The following DIP2B variants were observed in gnomAD, a reference collection of about 807,000 sequenced individuals.
The protein encoded by DIP2B is DIP2 acetate--CoA ligase B (putative), also known as disco-interacting protein 2 homolog B.
A neutral mutation model predicts 198.0 loss-of-function variants in DIP2B; 76 were observed. The observed-to-expected ratio is 0.38, with a 90% CI of 0.32 to 0.46. The LOEUF (loss-of-function observed/expected upper bound fraction) is 0.46, where lower values mean the gene tolerates loss of function less well. DIP2B is among the 20% of genes least tolerant of loss of function. The pLI, the probability that DIP2B is intolerant of heterozygous loss-of-function variation, is 0.99. For missense variants in DIP2B, 1,559 were observed against 1,978.4 expected (o/e 0.79, Z 4.02); for synonymous variants, 701 against 739.1 (o/e 0.95, Z 0.84).
chr12:50,652,515 G>A (rs1320718743), intron 3 of DIP2B, among the ~76,000 whole-genome samples: 3 of 151,802 alleles, frequency 2.0e-5, no homozygotes, highest in South Asian at 2.1e-4. Context: ...TAGCCTGGGC[G>A]ACAGACTGAG....
At position 50,686,589 on chromosome 12, in the gene DIP2B, A is replaced by T. The variant is rs759663284; in HGVS notation, c.1458A>T (p.Lys486Asn). ...TTGATTTAGGTTGGCCCCGGCTCAA[A>T]TGGGTTGTAACAGATTCCAAGTACC... ...IVQFKGWPRL[K>N]WVVTDSKYLS... is the part of the protein sequence containing the mutation. Residue 486 changes from lysine (K) to asparagine (N), a missense_variant, in exon 12 of 38, where the codon AAA (lysine) becomes AAT (asparagine). Coordinates refer to ENST00000301180, the MANE Select transcript of DIP2B (RefSeq NM_173602.3). 6.2e-7 allele frequency: 1 copy of T among 1,614,052 alleles called. No individual in the cohort carries two copies. The highest frequency in any genetic ancestry group is 8.5e-7 in the Non-Finnish European group (1 of 1,179,988).
chr12:50,563,487 T>A (rs1165573523), intron 1 of DIP2B, among the ~76,000 whole-genome samples: 1 of 53,708 alleles, frequency 1.9e-5, no homozygotes, highest in African/African-American at 7.8e-5. Context: ...GCACCTGGCC[T>A]TTTTTTTTTT....
chr12:50,623,657 G>T (rs1017150990), intron 1 of DIP2B, among the ~76,000 whole-genome samples: 1 of 151,774 alleles, frequency 6.6e-6, no homozygotes, highest in East Asian at 1.9e-4. Context: ...AATTTTTTAC[G>T]GAATCAGATG....
chr12:50,574,711 TC>T (rs1958643142), intron 1 of DIP2B, among the ~76,000 whole-genome samples: 2 of 152,344 alleles, frequency 1.3e-5, no homozygotes, highest in South Asian at 4.1e-4. Context: ...GAATGAATGT[TC>T]CCATCTGGTA....
At position 50,716,958 on chromosome 12, in the gene DIP2B, C is replaced by CTTTTTTTTT. The variant is rs4026694; in HGVS notation, c.2852-1736_2852-1728dup. On this transcript the variant is annotated intron_variant, in intron 23 of 37. Coordinates refer to ENST00000301180, the MANE Select transcript of DIP2B (RefSeq NM_173602.3). ...CCTATCCTAGATTTACGAATTGTTG[C>CTTTTTTTTT]TTTTTTTTTTTTTTTTTTTTTTTGA... Among the ~76,000 whole-genome samples, 326 of 58,912 alleles carry CTTTTTTTTT rather than the reference C, an allele frequency of 5.5e-3. 79 individuals are homozygous for CTTTTTTTTT. Among genetic ancestry groups the CTTTTTTTTT allele is most frequent in the African/African-American group, 0.015 (238 of 16,218 alleles). The allele number at this position is 58,912 out of a possible 152,430, so 38.6% of individuals were successfully genotyped here.
chr12:50,508,406 T>A (rs1957986264), intron 1 of DIP2B, among the ~76,000 whole-genome samples: 1 of 152,212 alleles, frequency 6.6e-6, no homozygotes, highest in African/African-American at 2.4e-5. Context: ...ATGGGGAGAA[T>A]TAATTTGCTT....
chr12:50,667,873 C>G (rs1938783384), intron 4 of DIP2B, among the ~76,000 whole-genome samples: 1 of 152,142 alleles, frequency 6.6e-6, no homozygotes, highest in African/African-American at 2.4e-5. Context: ...TATGGGCTGG[C>G]ACCAGTATGG....
At chr12:50,682,213 A>G (rs1234884218) in intron 9 of DIP2B, among the ~76,000 whole-genome samples, 1 of 152,190 alleles carries the variant, frequency 6.6e-6, no homozygotes, top group Non-Finnish European at 1.5e-5. Context: ...CTATTAATGA[A>G]TTAACTGTAT....
Position 50,710,550 on chromosome 12 carries a change from A to G in DIP2B, c.2649+1988A>G, listed in dbSNP as rs1031796095. On this transcript the variant is annotated intron_variant, in intron 22 of 37. Transcript: ENST00000301180. ...GCGATTCTCCTGTCTCAGACTCCCAAGTAGCTGGAATTACAGGCACCTGCC... is the reference window on the plus strand; with the variant it reads ...GCGATTCTCCTGTCTCAGACTCCCAGGTAGCTGGAATTACAGGCACCTGCC... Among the ~76,000 whole-genome samples, 121 of 152,030 alleles carry G rather than the reference A, an allele frequency of 8.0e-4. 2 individuals are homozygous for G. Among genetic ancestry groups the G allele is most frequent in the African/African-American group, 2.7e-3 (113 of 41,388 alleles).
chr12:50,700,758 G>T (rs535832668), intron 19 of DIP2B, among the ~76,000 whole-genome samples: 1 of 152,320 alleles, frequency 6.6e-6, no homozygotes, highest in East Asian at 1.9e-4. Context: ...CCAGGAGTGG[G>T]CATTCATAAG....
At chr12:50,599,648 C>G (rs1183989464) in intron 1 of DIP2B, among the ~76,000 whole-genome samples, 2 of 152,162 alleles carry the variant, frequency 1.3e-5, no homozygotes, top group Non-Finnish European at 2.9e-5. Flanking sequence ...AAAAACAACT[C>G]TTGAACACTG....
At chr12:50,732,634 C>A in intron 32 of DIP2B, 98 bp downstream of exon 32, 2 of 1,452,304 alleles carry the variant, frequency 1.4e-6, no homozygotes, top group Non-Finnish European at 1.9e-6. Flanking sequence ...GCTTGGGCCC[C>A]AGCCGCACTT....
At position 50,744,992 on chromosome 12, in the gene DIP2B, C is replaced by T; in HGVS notation, c.*153C>T. Reference sequence around the variant, plus strand: ...TGTGGGATTCTGCAATCATAAAACACAGGAAAGGGGAATTCTGTGATGGCA... The same window carrying T: ...TGTGGGATTCTGCAATCATAAAACATAGGAAAGGGGAATTCTGTGATGGCA... On this transcript the variant is annotated 3_prime_UTR_variant, in exon 38 of 38. Coordinates refer to ENST00000301180, the MANE Select transcript of DIP2B (RefSeq NM_173602.3). The T allele has an allele frequency of 1.0e-6, 1 of 971,248 alleles. No individual in the cohort carries two copies. The highest frequency in any genetic ancestry group is 1.5e-6 in the Non-Finnish European group (1 of 672,360). The allele number at this position is 971,248 out of a possible 1,614,324, so 60.2% of individuals were successfully genotyped here. A position where few individuals can be genotyped will look rare whatever the true frequency, so the allele number is the denominator to read the frequency against.
At chr12:50,634,045 C>T (rs1055853881) in intron 2 of DIP2B, among the ~76,000 whole-genome samples, 10 of 152,138 alleles carry the variant, frequency 6.6e-5, no homozygotes, top group East Asian at 3.9e-4. Context: ...AATGAAGATA[C>T]GGCAGATTCA....
chr12:50,677,230 T>A (rs1938961522), intron 7 of DIP2B, among the ~76,000 whole-genome samples: 1 of 152,168 alleles, frequency 6.6e-6, no homozygotes, highest in African/African-American at 2.4e-5. Flanking sequence ...GCTCATGTTG[T>A]CCTAGCCTTA....
At chr12:50,521,090 AAC>A (rs1490818392) in intron 1 of DIP2B, among the ~76,000 whole-genome samples, 2 of 138,546 alleles carry the variant, frequency 1.4e-5, no homozygotes, top group African/African-American at 5.2e-5. Flanking sequence ...TATATTCAGC[AAC>A]AGTTTTTTTT....
chr12:50,507,912 CTCT>C (rs1269502319), intron 1 of DIP2B, among the ~76,000 whole-genome samples: 2 of 140,518 alleles, frequency 1.4e-5, no homozygotes, highest in Non-Finnish European at 3.3e-5. Context: ...CTTTCTTTCT[CTCT>C]TTTTTTTTTT....
Position 50,718,712 on chromosome 12 carries a change from T to C in DIP2B, c.2855T>C (p.Val952Ala). The C allele has an allele frequency of 6.2e-7, 1 of 1,614,058 alleles. No individual in the cohort carries two copies. The highest frequency in any genetic ancestry group is 8.5e-7 in the Non-Finnish European group (1 of 1,179,934). Reference sequence around the variant, plus strand: ...TGGGTTTTGCATTTATTTACAGGTGTAGGCCCTGCTTCCGTGATGGTTGGG... The same window carrying C: ...TGGGTTTTGCATTTATTTACAGGTGCAGGCCCTGCTTCCGTGATGGTTGGG... Reference protein sequence around the residue: ...LPKPRQKQPGVGPASVMVGNL... With the variant: ...LPKPRQKQPGAGPASVMVGNL... The change falls in exon 24 of 38, where the codon GTA becomes GCA. Residue 952 changes from valine (V) to alanine (A), a missense_variant. Transcript: ENST00000301180.
At chr12:50,704,046 TCACTGAGCA>T in intron 19 of DIP2B, 85 bp from the exon 20 acceptor site, 2 of 1,023,060 alleles carry the variant, frequency 2.0e-6, no homozygotes, top group Admixed American at 2.4e-5. Context: ...CATTATTTTT[TCACTGAGCA>T]TGTATTTTAA....
Sources: gnomAD v4.1 joint callset for allele counts (sites outside exome capture counted in the v4.1 genomes callset) on GRCh38, gnomAD v4.1.1 for gene constraint, MANE v1.5 for transcripts, NCBI Gene and HGNC (gene_info 2026-07-23, HGNC 2026-07-21) for gene names.